ZNF649: variants seen among roughly 807,000 people sequenced by gnomAD.
The protein encoded by ZNF649 is zinc finger protein 649.
ZNF649 carries 7 observed loss-of-function variants against 14.1 expected under a neutral mutation model. The ratio of observed to expected loss-of-function variants is 0.49; its 90% confidence interval spans 0.28 to 0.93. The LOEUF (loss-of-function observed/expected upper bound fraction) is 0.93. Ranked by LOEUF, ZNF649 falls within the 40% of genes least tolerant of loss-of-function variation. The pLI is 0.10. For missense variants in ZNF649, 544 were observed against 608.1 expected (o/e 0.89, Z 1.11); for synonymous variants, 227 against 212.3 (o/e 1.07, Z -0.60).
chr19:51,891,978 T>G lies in ZNF649; in HGVS notation c.239-81A>C. 6.9e-7 allele frequency: 1 copy of G among 1,450,438 alleles called. No individual in the cohort carries two copies. Among genetic ancestry groups the G allele is most frequent in the Non-Finnish European group, 9.1e-7 (1 of 1,093,924 alleles). 89.8% of individuals were successfully genotyped at this position (1,450,438 alleles called of 1,614,324 possible). On this transcript the variant is annotated intron_variant, in intron 4 of 4. Transcript: ENST00000354957. The surrounding 1 kb of genome is among the most constrained non-coding windows in gnomAD (Gnocchi z 4.2). ...CAAAGATGCCTTGGGGTTGGCTGGCTTTTTACTGGAACCCCTATAATACCA... is the reference window on the plus strand; with the variant it reads ...CAAAGATGCCTTGGGGTTGGCTGGCGTTTTACTGGAACCCCTATAATACCA...
intron 2 of ZNF649, 75 bp downstream of exon 2, chr19:51,900,018 A>G: frequency 1.5e-6 from 2 of 1,344,792 alleles, no homozygotes; most frequent in Non-Finnish European, 2.0e-6. Flanking sequence ...CTTTTAATGT[A>G]AATGAACTGA....
At chr19:51,902,926 A>G (rs578151593) in intron 1 of ZNF649, among the ~76,000 whole-genome samples, 1 of 152,334 alleles carries the variant, frequency 6.6e-6, no homozygotes, top group East Asian at 1.9e-4. Context: ...GCGACCTACT[A>G]GAGCGATGTG....
intron 1 of ZNF649, among the ~76,000 whole-genome samples, chr19:51,902,045 C>T (rs1053463809): frequency 1.3e-5 from 2 of 151,900 alleles, no homozygotes; most frequent in African/African-American, 4.8e-5. Context: ...GCTCTTCTGC[C>T]TTCTGCCATG....
At position 51,900,207 on chromosome 19, in the gene ZNF649, T is replaced by TA; in HGVS notation, c.-101dup. 1 of 1,013,464 alleles carries TA rather than the reference T, an allele frequency of 9.9e-7. No homozygotes were observed. The allele number at this position is 1,013,464 out of a possible 1,614,324, so 62.8% of individuals were successfully genotyped here. On this transcript the variant is annotated 5_prime_UTR_variant, in exon 2 of 5. The change abolishes the stop of an existing upstream ORF in the 5' untranslated region. Transcript: ENST00000354957. ...TGGCTAAGAAATCTGAGTCTCCATT[T>TA]AAGAGTGTTCCCAGAAATGATGACA...
At chr19:51,897,100 A>G in intron 2 of ZNF649, 122 bp from the exon 3 acceptor site, 3 of 1,402,528 alleles carry the variant, frequency 2.1e-6, no homozygotes, top group Admixed American at 1.9e-5. Flanking sequence ...GGTATACTCA[A>G]TGGAATGGTT....
chr19:51,890,406 C>T lies in ZNF649; in HGVS notation c.*212G>A, dbSNP rs922326246. The T allele has an allele frequency of 4.1e-6, 2 of 489,852 alleles. No homozygotes were observed. Among genetic ancestry groups the T allele is most frequent in the Non-Finnish European group, 7.1e-6 (2 of 279,770 alleles). 30.3% of individuals were successfully genotyped at this position (489,852 alleles called of 1,614,324 possible). On this transcript the variant is annotated 3_prime_UTR_variant, in exon 5 of 5. Coordinates refer to ENST00000354957, the MANE Select transcript of ZNF649 (RefSeq NM_023074.4). ...ACCAAGTGGAAGCCTCTAAAACTGCCCCCCTCCCCAGCCAAACTCTATGAT... is the reference window on the plus strand; with the variant it reads ...ACCAAGTGGAAGCCTCTAAAACTGCTCCCCTCCCCAGCCAAACTCTATGAT...
chr19:51,900,511 GGC>G (rs1440908854), intron 1 of ZNF649: 1 of 176,860 alleles, frequency 5.7e-6, no homozygotes, highest in African/African-American at 2.4e-5. Context: ...CGGCATATCT[GGC>G]CACTTTCCAA....
At chr19:51,901,342 C>T (rs1009882213) in intron 1 of ZNF649, among the ~76,000 whole-genome samples, 2 of 152,166 alleles carry the variant, frequency 1.3e-5, no homozygotes, top group Admixed American at 6.5e-5. Flanking sequence ...CTCCCAAATG[C>T]CAGCTGCTAT....
At chr19:51,898,724 A>G (rs1233593150) in intron 2 of ZNF649, among the ~76,000 whole-genome samples, 1 of 151,882 alleles carries the variant, frequency 6.6e-6, no homozygotes, top group African/African-American at 2.4e-5. Context: ...CATCCTGGCC[A>G]AGATATTGAA....
At chr19:51,896,321 A>G (rs2085061974) in intron 4 of ZNF649, 151 bp downstream of exon 4, 3 of 627,170 alleles carry the variant, frequency 4.8e-6, no homozygotes, top group Non-Finnish European at 2.8e-6. Flanking sequence ...CTGAATTCCT[A>G]TAAGAAAAAG....
At chr19:51,902,427 C>T (rs534671015) in intron 1 of ZNF649, among the ~76,000 whole-genome samples, 1 of 152,302 alleles carries the variant, frequency 6.6e-6, no homozygotes, top group African/African-American at 2.4e-5. Flanking sequence ...AGGATTCACA[C>T]GGCCTCCTCC....
At chr19:51,902,362 G>A (rs757267201) in intron 1 of ZNF649, among the ~76,000 whole-genome samples, 3 of 152,172 alleles carry the variant, frequency 2.0e-5, no homozygotes, top group Non-Finnish European at 2.9e-5. Flanking sequence ...AACTTCAGAC[G>A]CAAGTTGCAA....
intron 4 of ZNF649, chr19:51,896,051 G>A (rs2085060403): frequency 5.6e-6 from 1 of 177,810 alleles, no homozygotes. Context: ...GATGTCTGCT[G>A]GAGAATTGCC....
At chr19:51,900,720 G>GT (rs1210658076) in intron 1 of ZNF649, among the ~76,000 whole-genome samples, 1 of 152,030 alleles carries the variant, frequency 6.6e-6, no homozygotes, top group Admixed American at 6.6e-5. Context: ...CCCAACAATC[G>GT]TGAGACACAC....
intron 1 of ZNF649, among the ~76,000 whole-genome samples, chr19:51,903,372 A>G (rs1180377825): frequency 6.6e-6 from 1 of 152,134 alleles, no homozygotes; most frequent in African/African-American, 2.4e-5. Context: ...CCTGGCAACC[A>G]GCCTCCCCCG....
Position 51,890,529 on chromosome 19 carries a change from A to T in ZNF649, c.*89T>A. ...TTTCATATCTTGTAAACCCTACTAT[A>T]CATATTAGTGCAGGGAGCCAAAGGC... is the stretch of plus-strand genomic sequence containing the variant. On this transcript the variant is annotated 3_prime_UTR_variant, in exon 5 of 5. Coordinates refer to ENST00000354957, the MANE Select transcript of ZNF649 (RefSeq NM_023074.4). 1 of 798,416 alleles carries T rather than the reference A, an allele frequency of 1.3e-6. No homozygotes were observed. Among genetic ancestry groups the T allele is most frequent in the Non-Finnish European group, 2.0e-6 (1 of 489,256 alleles). The allele number at this position is 798,416 out of a possible 1,614,324, so 49.5% of individuals were successfully genotyped here. A position where few individuals can be genotyped will look rare whatever the true frequency, so the allele number is the denominator to read the frequency against.
chr19:51,896,322 TAAG>T, intron 4 of ZNF649, 147 bp downstream of exon 4: 1 of 630,678 alleles, frequency 1.6e-6, no homozygotes, highest in Non-Finnish European at 2.8e-6. Flanking sequence ...TGAATTCCTA[TAAG>T]AAAAAGAGCT....
intron 1 of ZNF649, among the ~76,000 whole-genome samples, chr19:51,902,028 C>T (rs1175839339): frequency 6.6e-6 from 1 of 151,760 alleles, no homozygotes; most frequent in South Asian, 2.1e-4. Flanking sequence ...ACAGATCGGC[C>T]CTTTCTGCTC....
intron 4 of ZNF649, among the ~76,000 whole-genome samples, chr19:51,894,168 T>C (rs1026658444): frequency 6.6e-6 from 1 of 152,080 alleles, no homozygotes. Context: ...AGTCTTGCTC[T>C]GTCACCCAGG....
Sources: allele counts gnomAD v4.1 joint callset (sites outside exome capture counted in the v4.1 genomes callset), GRCh38; gene constraint gnomAD v4.1.1; non-coding constraint Gnocchi (gnomAD v3.1); transcripts MANE v1.5; gene names NCBI Gene and HGNC (gene_info 2026-07-23, HGNC 2026-07-21).